The following SSC5D variants were observed in gnomAD, a reference collection of about 807,000 sequenced individuals.
SSC5D encodes the protein soluble scavenger receptor cysteine-rich domain-containing protein SSC5D.
SSC5D carries 106 observed loss-of-function variants against 104.6 expected under a neutral mutation model. The ratio of observed to expected loss-of-function variants is 1.01; its 90% CI spans 0.87 to 1.19. SSC5D has a LOEUF of 1.19. Among genes scored for constraint, SSC5D ranks in the 50% most tolerant of loss-of-function variants. The probability of loss-of-function intolerance (pLI) is 0.00; values close to 1 mark genes in which losing one functional copy is unlikely to be tolerated. For missense variants in SSC5D, 1,993 were observed against 2,153.8 expected, an observed-to-expected ratio of 0.93 and a Z score of 1.48; for synonymous variants, 860 against 883.5, an observed-to-expected ratio of 0.97 and a Z score of 0.47.
Position 55,490,810 on chromosome 19 carries a change from G to A in SSC5D, c.625G>A (p.Gly209Arg), listed in dbSNP as rs1199962980. The A allele has an allele frequency of 5.8e-6, 9 of 1,545,454 alleles. No individual in the cohort carries two copies. Among genetic ancestry groups the A allele is most frequent in the East Asian group, 2.4e-5 (1 of 40,872 alleles). ...GGTCTCTGGCCCCCACAGGTGCGCC[G>A]GACGCCTGGAGGTCTGGCACGGCGG... ...RLVSGPHRCA[G>R]RLEVWHGGRW... is the part of the protein sequence containing the mutation. The change falls in exon 6 of 14, where the codon GGA (glycine) becomes AGA (arginine). Residue 209 changes from glycine to arginine, a missense_variant. Physicochemically the swap from Gly to Arg is moderately radical, Grantham distance 125. Coordinates refer to ENST00000389623, the MANE Select transcript of SSC5D (RefSeq NM_001144950.2).
chr19:55,493,994 G>GA, intron 7 of SSC5D, 82 bp downstream of exon 7: 2 of 143,314 alleles, frequency 1.4e-5, no homozygotes, highest in Non-Finnish European at 2.9e-5. Context: ...GGGCGGGGGG[G>GA]TCCCTACGCG....
In SSC5D at chr19:55,503,856, C is replaced by G. The variant is rs1009959806; in HGVS notation, c.2785+2655C>G. On this transcript the variant is annotated intron_variant, in intron 12 of 13. Coordinates refer to ENST00000389623, the MANE Select transcript of SSC5D (RefSeq NM_001144950.2). This position sits in a 1 kb window ranked among gnomAD's most constrained non-coding sequence, Gnocchi z 4.0. The stretch of plus-strand genomic sequence containing the variant: ...GGCGCTCAGCACGCATGCGCAGGCG[C>G]GGTGGGCCCGGGAATGGAGGGACGG... Among the ~76,000 whole-genome samples the G allele has an allele frequency of 6.6e-6, 1 of 152,108 alleles. No homozygotes were observed. Among genetic ancestry groups the G allele is most frequent in the Non-Finnish European group, 1.5e-5 (1 of 68,020 alleles).
chr19:55,493,666 G>A lies in SSC5D; in HGVS notation c.967G>A (p.Gly323Ser), dbSNP rs1274826232. ...CAGRLEVWHGGRWGSVCDDAW... is the reference protein window; with the variant it reads ...CAGRLEVWHGSRWGSVCDDAW... The stretch of plus-strand genomic sequence containing the variant: ...CGGCCGCCTGGAGGTCTGGCACGGG[G>A]GTCGCTGGGGGTCGGTGTGTGACGA... Residue 323 changes from glycine (G) to serine (S), a missense_variant, in exon 7 of 14, where the codon GGT becomes AGT. Coordinates refer to ENST00000389623, the MANE Select transcript of SSC5D (RefSeq NM_001144950.2). 2 of 1,506,360 alleles carry A rather than the reference G, an allele frequency of 1.3e-6. No homozygotes were observed. Among genetic ancestry groups the A allele is most frequent in the East Asian group, 2.6e-5 (1 of 38,834 alleles). 93.3% of individuals were successfully genotyped at this position (1,506,360 alleles called of 1,614,324 possible).
At position 55,490,362 on chromosome 19, in the gene SSC5D, C is replaced by A. The variant is rs779441150; in HGVS notation, c.540C>A (p.Ala180=). ...AGAAGAGCCCCCGGCCCAAGCAGGC[C>A]AAGTCCACCCGGGCCCCTCTGCTGA... ...SRKKSPRPKQ[A]KSTRAPLLTT... The change falls in exon 5 of 14, where the codon GCC becomes GCA. Residue 180 remains alanine, a synonymous_variant. Transcript: ENST00000389623. The A allele has an allele frequency of 6.6e-7, 1 of 1,524,588 alleles. No homozygotes were observed. The allele number at this position is 1,524,588 out of a possible 1,614,324, so 94.4% of individuals were successfully genotyped here. A position where few individuals can be genotyped will look rare whatever the true frequency, so the allele number is the denominator to read the frequency against.
Position 55,518,538 on chromosome 19 carries a change from C to T in SSC5D, c.4262C>T (p.Thr1421Ile). The T allele has an allele frequency of 6.5e-7, 1 of 1,549,630 alleles. No homozygotes were observed. The highest frequency in any genetic ancestry group is 8.7e-7 in the Non-Finnish European group (1 of 1,146,476). ...KPPRSQSPNL[T>I]PPPTHTPHSA... is the part of the protein sequence containing the mutation. ...CCCAGAAGCCAGAGCCCCAACCTAA[C>T]CCCTCCACCCACCCATACCCCACAC... The change falls in exon 14 of 14, where the codon ACC becomes ATC. Residue 1421 changes from threonine (T) to isoleucine (I), a missense_variant. Physicochemically the swap from Thr to Ile is moderately conservative, Grantham distance 89. Around this residue, in one of 6 missense-constraint regions of SSC5D, gnomAD observed 349 missense variants for 397.6 expected, o/e 0.88. Coordinates refer to ENST00000389623, the MANE Select transcript of SSC5D (RefSeq NM_001144950.2).
At chr19:55,497,045 G>A (rs1473920625) in intron 8 of SSC5D, among the ~76,000 whole-genome samples, 2 of 152,218 alleles carry the variant, frequency 1.3e-5, no homozygotes, top group Non-Finnish European at 2.9e-5. Flanking sequence ...ACAGGTGGGA[G>A]CCACCGTGCC....
intron 12 of SSC5D, among the ~76,000 whole-genome samples, chr19:55,511,407 A>G (rs1987753512): frequency 6.6e-6 from 1 of 152,132 alleles, no homozygotes; most frequent in Admixed American, 6.6e-5. Context: ...GGAATGAGAA[A>G]ACATCCTAAC....
In SSC5D at chr19:55,499,896, C is replaced by T. The variant is rs1179774694; in HGVS notation, c.1786C>T (p.Leu596Phe). 6.4e-7 allele frequency: 1 copy of T among 1,551,594 alleles called. No homozygotes were observed. The highest frequency in any genetic ancestry group is 2.4e-5 in the East Asian group (1 of 40,906). ...PGLGRDRDAW[L>F]PGELATKPSA... is the part of the protein sequence containing the mutation. ...ACTGGGGAGAGATCGGGATGCCTGG[C>T]TCCCGGGAGAGCTGGCCACCAAGCC... is the stretch of plus-strand genomic sequence containing the variant. The change falls in exon 10 of 14, where the codon CTC becomes TTC. Residue 596 changes from leucine to phenylalanine, a missense_variant. Leu to Phe is a conservative substitution (Grantham distance 22). Around this residue, in one of 6 missense-constraint regions of SSC5D, gnomAD observed 1,101 missense variants for 1,085.0 expected, o/e 1.01. Transcript: ENST00000389623.
At chr19:55,505,287 A>G (rs376962292) in intron 12 of SSC5D, among the ~76,000 whole-genome samples, 4 of 151,774 alleles carry the variant, frequency 2.6e-5, no homozygotes, top group Admixed American at 2.0e-4. Context: ...GGGAGATGAT[A>G]TTATTTCATC....
At chr19:55,489,068 C>A (rs763708602) in intron 2 of SSC5D, 36 bp downstream of exon 2, 39 of 1,068,136 alleles carry the variant, frequency 3.7e-5, no homozygotes, top group East Asian at 3.3e-4. Flanking sequence ...GCCCGCCCCC[C>A]CCCCCAGGCC....
At position 55,500,741 on chromosome 19, in the gene SSC5D, C is replaced by T. The variant is rs79561124; in HGVS notation, c.2554C>T (p.Pro852Ser). ...AAGCGAGGCCTCACTGAGCGACTGC[C>T]CCTCGGGGGCTTGGGGGAAGCACAA... ...KGSEASLSDC[P>S]SGAWGKHNCD... The change falls in exon 11 of 14, where the codon CCC becomes TCC. Residue 852 changes from proline to serine, a missense_variant. Pro to Ser is a moderately conservative substitution (Grantham distance 74). This residue lies in a region of SSC5D where 423 missense variants were observed against 409.2 expected (regional missense o/e 1.03). Coordinates refer to ENST00000389623, the MANE Select transcript of SSC5D (RefSeq NM_001144950.2). The surrounding 1 kb of genome is among the most constrained non-coding windows in gnomAD (Gnocchi z 4.6). 3,657 of 1,551,652 alleles carry T rather than the reference C, an allele frequency of 2.4e-3. 120 individuals are homozygous for T. The East Asian group carries it at 0.072, about 30-fold the overall frequency.
chr19:55,514,436 TAATAATAATAATAATAATAA>T lies in SSC5D; in HGVS notation c.2947+1265_2947+1284del, dbSNP rs1428406713. ...ATAATAATAATAATAATAATAATAA[TAATAATAATAATAATAATAA>T]TAGGTGTGGTGGCAGGCGCCTGTAA... On this transcript the variant is annotated intron_variant, in intron 13 of 13. Transcript: ENST00000389623. 6.1e-4 allele frequency among the ~76,000 whole-genome samples: 44 copies of T among 72,230 alleles called. 1 individual carries two copies. The highest frequency in any genetic ancestry group is 6.1e-3 in the Middle Eastern group (1 of 164). 47.4% of individuals were successfully genotyped at this position (72,230 alleles called of 152,430 possible). A position where few individuals can be genotyped will look rare whatever the true frequency, so the allele number is the denominator to read the frequency against.
intron 6 of SSC5D, among the ~76,000 whole-genome samples, chr19:55,493,038 T>TA (rs1313081261): frequency 3.3e-5 from 5 of 151,612 alleles, no homozygotes; most frequent in African/African-American, 4.8e-5. Context: ...CCCCCAAAAA[T>TA]AAAAAAATGA....
chr19:55,493,554 C>T (rs1446615429), intron 6 of SSC5D, 41 bp from the exon 7 acceptor site: 16 of 1,399,494 alleles, frequency 1.1e-5, no homozygotes, highest in Non-Finnish European at 1.5e-5. Flanking sequence ...CGCTCATCCA[C>T]CCTCGTTTCC....
chr19:55,497,058 G>T (rs2123438857), intron 8 of SSC5D, among the ~76,000 whole-genome samples: 1 of 152,344 alleles, frequency 6.6e-6, no homozygotes, highest in East Asian at 1.9e-4. Flanking sequence ...ACCGTGCCGG[G>T]CCTGCTGCTC....
intron 12 of SSC5D, chr19:55,504,268 C>G (rs1987590477): frequency 8.0e-6 from 12 of 1,505,822 alleles, no homozygotes; most frequent in Non-Finnish European, 1.1e-5. Context: ...CTCGGGACCC[C>G]TCCCGTAGGG....
At chr19:55,498,938 AG>A (rs1465697006) in intron 9 of SSC5D, among the ~76,000 whole-genome samples, 1 of 152,216 alleles carries the variant, frequency 6.6e-6, no homozygotes, top group Admixed American at 6.5e-5. Context: ...AGGAGACAGT[AG>A]GTGTGAGCTT....
In SSC5D at chr19:55,490,420, G is replaced by A; in HGVS notation, c.586+12G>A. On this transcript the variant is annotated intron_variant, in intron 5 of 13. Transcript: ENST00000389623. ...AGCCCCCCGCCAAGGTAAGCTCCCT[G>A]CAGGCTCCCCCGACCCCAAGGCTGG... 3.2e-6 allele frequency: 3 copies of A among 929,492 alleles called. No individual in the cohort carries two copies. Among genetic ancestry groups the A allele is most frequent in the Non-Finnish European group, 4.7e-6 (3 of 632,554 alleles). The allele number at this position is 929,492 out of a possible 1,614,324, so 57.6% of individuals were successfully genotyped here. A position where few individuals can be genotyped will look rare whatever the true frequency, so the allele number is the denominator to read the frequency against.
chr19:55,510,574 C>T (rs919477291), intron 12 of SSC5D, among the ~76,000 whole-genome samples: 3 of 150,560 alleles, frequency 2.0e-5, no homozygotes, highest in African/African-American at 4.9e-5. Flanking sequence ...GTCTCAAACT[C>T]CTGACCTCGT....
Sources: gnomAD v4.1 joint callset for allele counts (sites outside exome capture counted in the v4.1 genomes callset) on GRCh38, gnomAD v4.1.1 for gene constraint, gnomAD v4.1.1 regional missense constraint, Gnocchi (gnomAD v3.1) non-coding constraint, MANE v1.5 for transcripts, NCBI Gene and HGNC (gene_info 2026-07-23, HGNC 2026-07-21) for gene names.